C4orf33: variants seen among roughly 807,000 people sequenced by gnomAD.
C4orf33 encodes the protein UPF0462 protein C4orf33.
In C4orf33, 20 loss-of-function variants were observed where a neutral mutation model predicts 24.3. The observed-to-expected ratio is 0.82, with a 90% CI of 0.58 to 1.19. C4orf33 has a LOEUF of 1.19. C4orf33 is among the 50% of genes most tolerant of loss of function. The probability of loss-of-function intolerance (pLI) is 0.00; values close to 1 mark genes in which losing one functional copy is unlikely to be tolerated. For synonymous variants in C4orf33, 67 were observed against 76.4 expected, an observed-to-expected ratio of 0.88 and a Z score of 0.64; for missense variants, 207 against 225.9, an observed-to-expected ratio of 0.92 and a Z score of 0.54.
Position 129,108,474 on chromosome 4 carries a change from T to C in C4orf33, c.243-833T>C, listed in dbSNP as rs528371795. Among the ~76,000 whole-genome samples the C allele has an allele frequency of 5.3e-5, 8 of 152,206 alleles. No homozygotes were observed. The South Asian group carries it at 8.3e-4, about 16-fold the overall frequency. ...CAAGAGGCAGACATGTTGAGGACCG[T>C]GTGTGAAAAAAATAGACAAAGATTA... On this transcript the variant is annotated intron_variant, in intron 3 of 5. Transcript: ENST00000425929.
At chr4:129,096,340 G>C (rs1753206168) in intron 1 of C4orf33, 131 bp downstream of exon 1, 1 of 152,128 alleles carries the variant, frequency 6.6e-6, no homozygotes, top group South Asian at 2.1e-4. Context: ...CTAAGTGAGC[G>C]TACTCCCCCT....
rs114095573 is a variant in C4orf33 at position 129,116,122 on chromosome 4, A to G, written c.*4331A>G. ...GAAGCCAGAAATCATGAATCTATGAAAAGTGAGGGGTGTCTGTGCATATTT... is the reference window on the plus strand; with the variant it reads ...GAAGCCAGAAATCATGAATCTATGAGAAGTGAGGGGTGTCTGTGCATATTT... On this transcript the variant is annotated 3_prime_UTR_variant, in exon 6 of 6. Transcript: ENST00000425929. 1,203 of 152,060 alleles carry G rather than the reference A, an allele frequency of 7.9e-3. 12 individuals carry two copies. The highest frequency in any genetic ancestry group is 0.028 in the African/African-American group (1,154 of 41,518). The allele number at this position is 152,060 out of a possible 1,614,324, so 9.4% of individuals were successfully genotyped here. A position where few individuals can be genotyped will look rare whatever the true frequency, so the allele number is the denominator to read the frequency against.
At position 129,111,861 on chromosome 4, in the gene C4orf33, A is replaced by G. The variant is rs112368128; in HGVS notation, c.*70A>G. On this transcript the variant is annotated 3_prime_UTR_variant, in exon 6 of 6. Transcript: ENST00000425929. ...TAAGATAAACAAAAAATAAATATCA[A>G]TTTTTTAAGATGTCATGCATACATT... 7,357 of 793,206 alleles carry G rather than the reference A, an allele frequency of 9.3e-3. 49 individuals are homozygous for G. Among genetic ancestry groups the G allele is most frequent in the Non-Finnish European group, 0.011 (5,664 of 493,158 alleles). The allele number at this position is 793,206 out of a possible 1,614,324, so 49.1% of individuals were successfully genotyped here. A position where few individuals can be genotyped will look rare whatever the true frequency, so the allele number is the denominator to read the frequency against.
At chr4:129,106,421 A>G (rs1397385418) in intron 2 of C4orf33, among the ~76,000 whole-genome samples, 166 bp from the exon 3 acceptor site, 3 of 151,970 alleles carry the variant, frequency 2.0e-5, no homozygotes, top group Non-Finnish European at 4.4e-5. Flanking sequence ...TATTTCCTAT[A>G]TATTTCTTCT....
At chr4:129,103,250 A>C (rs180800017) in intron 2 of C4orf33, among the ~76,000 whole-genome samples, 1 of 151,876 alleles carries the variant, frequency 6.6e-6, no homozygotes, top group African/African-American at 2.4e-5. Context: ...CGATCTCCTG[A>C]CCACGTGATC....
intron 3 of C4orf33, among the ~76,000 whole-genome samples, chr4:129,109,082 A>G (rs866462063): frequency 3.3e-5 from 5 of 152,002 alleles, no homozygotes; most frequent in Non-Finnish European, 5.9e-5. Flanking sequence ...GTAGAGACGG[A>G]GTTTCACCAT....
intron 2 of C4orf33, 139 bp downstream of exon 2, chr4:129,102,930 A>G (rs1218349813): frequency 7.9e-6 from 5 of 636,814 alleles, no homozygotes; most frequent in Non-Finnish European, 1.2e-5. Context: ...TTTCCTACCA[A>G]TCTCTCATTC....
At chr4:129,104,408 T>A (rs950912414) in intron 2 of C4orf33, among the ~76,000 whole-genome samples, 3 of 152,182 alleles carry the variant, frequency 2.0e-5, no homozygotes, top group Non-Finnish European at 2.9e-5. Context: ...TTTAAACTCA[T>A]CCTTCAGCTA....
rs1753775707 is a variant in C4orf33, at chr4:129,116,303, T to C, written c.*4512T>C. 6.6e-6 allele frequency: 1 copy of C among 152,202 alleles called. No individual in the cohort carries two copies. The highest frequency in any genetic ancestry group is 1.5e-5 in the Non-Finnish European group (1 of 68,030). The allele number at this position is 152,202 out of a possible 1,614,324, so 9.4% of individuals were successfully genotyped here. A position where few individuals can be genotyped will look rare whatever the true frequency, so the allele number is the denominator to read the frequency against. ...AATGACATTTCACTTTACTACTTAT[T>C]TGAATTACAATGAAATAATATATAG... is the stretch of plus-strand genomic sequence containing the variant. On this transcript the variant is annotated 3_prime_UTR_variant, in exon 6 of 6. Transcript: ENST00000425929.
Position 129,115,816 on chromosome 4 carries a change from A to ATATATATAATATATATATGTTTATATAT in C4orf33, c.*4033_*4034insATATATATATGTTTATATATTATATATA, listed in dbSNP as rs1235269867. ...CTTCTAACTAAATATATATATATAT[A>ATATATATAATATATATATGTTTATATAT]TATATATATATATAAAATATATATG... On this transcript the variant is annotated 3_prime_UTR_variant, in exon 6 of 6. Coordinates refer to ENST00000425929, the MANE Select transcript of C4orf33 (RefSeq NM_001099783.2). 2 of 127,980 alleles carry ATATATATAATATATATATGTTTATATAT rather than the reference A, an allele frequency of 1.6e-5. No individual in the cohort carries two copies. The highest frequency in any genetic ancestry group is 5.8e-5 in the African/African-American group (2 of 34,654). 7.9% of individuals were successfully genotyped at this position (127,980 alleles called of 1,614,324 possible). A position where few individuals can be genotyped will look rare whatever the true frequency, so the allele number is the denominator to read the frequency against.
Position 129,111,728 on chromosome 4 carries a change from G to A in C4orf33, c.537G>A (p.Leu179=), listed in dbSNP as rs750766402. ...TCAAGTCTTTCAATTTTAACACACT[G>A]CTTGGAGAAGAGTGGAAACAACCGG... ...EYFKSFNFNT[L]LGEEWKQPES... The change falls in exon 6 of 6, where the codon CTG becomes CTA. Residue 179 remains leucine, a synonymous_variant. Transcript: ENST00000425929. The A allele has an allele frequency of 5.0e-6, 8 of 1,612,734 alleles. No homozygotes were observed. The highest frequency in any genetic ancestry group is 1.1e-5 in the South Asian group (1 of 90,924).
At position 129,111,879 on chromosome 4, in the gene C4orf33, C is replaced by A; in HGVS notation, c.*88C>A. On this transcript the variant is annotated 3_prime_UTR_variant, in exon 6 of 6. Transcript: ENST00000425929. ...AATATCAATTTTTTAAGATGTCATG[C>A]ATACATTTCAACAACAAATATCTTC... 1.5e-6 allele frequency: 1 copy of A among 645,250 alleles called. No homozygotes were observed. Among genetic ancestry groups the A allele is most frequent in the South Asian group, 2.5e-5 (1 of 39,628 alleles). 40.0% of individuals were successfully genotyped at this position (645,250 alleles called of 1,614,324 possible). A position where few individuals can be genotyped will look rare whatever the true frequency, so the allele number is the denominator to read the frequency against.
rs1355905552 is a variant in C4orf33 at position 129,113,796 on chromosome 4, C to G, written c.*2005C>G. 2 of 152,136 alleles carry G rather than the reference C, an allele frequency of 1.3e-5. No homozygotes were observed. The highest frequency in any genetic ancestry group is 3.9e-4 in the East Asian group (2 of 5,180). The allele number at this position is 152,136 out of a possible 1,614,324, so 9.4% of individuals were successfully genotyped here. ...GGAAAAAAAACATTTAATTTCCCCT[C>G]CTTCTCCTCCTTTTGCTCCTTTTTT... is the stretch of plus-strand genomic sequence containing the variant. On this transcript the variant is annotated 3_prime_UTR_variant, in exon 6 of 6. Transcript: ENST00000425929.
At chr4:129,094,136 C>T (rs1753093031), upstream of C4orf33, 1 of 152,190 alleles carries the variant, frequency 6.6e-6, no homozygotes, top group Non-Finnish European at 1.5e-5. Context: ...CTCAAAAGAT[C>T]TTGCAAATTC....
intron 1 of C4orf33, 182 bp downstream of exon 1, chr4:129,096,391 G>A (rs1443184123): frequency 1.3e-5 from 2 of 152,190 alleles, no homozygotes; most frequent in African/African-American, 4.8e-5. Context: ...CCTGATAAAT[G>A]GGCGGGGCCT....
intron 1 of C4orf33, among the ~76,000 whole-genome samples, chr4:129,098,828 A>G (rs1485284139): frequency 1.3e-5 from 2 of 152,184 alleles, no homozygotes; most frequent in Non-Finnish European, 2.9e-5. Context: ...TTTTTAAACC[A>G]TATAAGGTAA....
intron 1 of C4orf33, chr4:129,101,959 T>C (rs1032353787): frequency 3.3e-5 from 5 of 152,172 alleles, no homozygotes; most frequent in African/African-American, 1.2e-4. Flanking sequence ...TCTACTAACT[T>C]TTAAATGATT....
At chr4:129,103,252 CA>C (rs1753417438) in intron 2 of C4orf33, among the ~76,000 whole-genome samples, 1 of 152,016 alleles carries the variant, frequency 6.6e-6, no homozygotes, top group Non-Finnish European at 1.5e-5. Context: ...ATCTCCTGAC[CA>C]CGTGATCTGC....
At chr4:129,104,252 A>G (rs1477609602) in intron 2 of C4orf33, among the ~76,000 whole-genome samples, 1 of 152,144 alleles carries the variant, frequency 6.6e-6, no homozygotes, top group Non-Finnish European at 1.5e-5. Context: ...CTAACTCAGT[A>G]TCTCCTCTTT....
Sources: allele counts gnomAD v4.1 joint callset (sites outside exome capture counted in the v4.1 genomes callset), GRCh38; gene constraint gnomAD v4.1.1; transcripts MANE v1.5; gene names NCBI Gene and HGNC (gene_info 2026-07-23, HGNC 2026-07-21).